SEZ6L: variants seen among roughly 807,000 people sequenced by gnomAD.
SEZ6L encodes seizure 6-like protein.
In SEZ6L, 37 loss-of-function variants were observed where a neutral mutation model predicts 106.2. The observed-to-expected ratio is 0.35, with a 90% confidence interval of 0.27 to 0.46. The LOEUF is 0.46. SEZ6L is among the 20% of genes least tolerant of loss of function. SEZ6L has a pLI of 1.00. For synonymous variants in SEZ6L, 541 were observed against 570.4 expected (o/e 0.95, Z 0.73); for missense variants, 1,172 against 1,332.8 (o/e 0.88, Z 1.88).
chr22:26,366,226 C>T (rs755691971), intron 13 of SEZ6L, among the ~76,000 whole-genome samples: 53 of 151,956 alleles, frequency 3.5e-4, no homozygotes, highest in Non-Finnish European at 7.4e-4. Context: ...CCCAGCTACT[C>T]GGGAGGCTGA....
chr22:26,181,755 A>G (rs1939411577), intron 1 of SEZ6L, among the ~76,000 whole-genome samples: 1 of 152,210 alleles, frequency 6.6e-6, no homozygotes, highest in Non-Finnish European at 1.5e-5. Context: ...GGTACGTAGC[A>G]GAAGTTCAAT....
intron 1 of SEZ6L, among the ~76,000 whole-genome samples, chr22:26,256,946 G>C (rs2079841793): frequency 6.6e-6 from 1 of 152,194 alleles, no homozygotes; most frequent in Non-Finnish European, 1.5e-5. Flanking sequence ...GCAGGACCAA[G>C]TGTAGACTCC....
At chr22:26,191,489 A>G (rs754961954) in intron 1 of SEZ6L, among the ~76,000 whole-genome samples, 14 of 152,094 alleles carry the variant, frequency 9.2e-5, no homozygotes, top group Admixed American at 2.0e-4. Context: ...GCAGAAACAG[A>G]AAACCAAATA....
chr22:26,184,703 A>T (rs1939656841), intron 1 of SEZ6L, among the ~76,000 whole-genome samples: 1 of 152,202 alleles, frequency 6.6e-6, no homozygotes, highest in Non-Finnish European at 1.5e-5. Flanking sequence ...ACCCCAAAGC[A>T]TGCGGATCAT....
chr22:26,361,883 G>T (rs1167070523), intron 12 of SEZ6L, among the ~76,000 whole-genome samples: 1 of 152,140 alleles, frequency 6.6e-6, no homozygotes, highest in African/African-American at 2.4e-5. Flanking sequence ...AGGTTGCCAA[G>T]GATGCAGCAG....
chr22:26,308,594 G>A (rs1418519566), intron 6 of SEZ6L, among the ~76,000 whole-genome samples: 1 of 152,068 alleles, frequency 6.6e-6, no homozygotes, highest in African/African-American at 2.4e-5. Context: ...GGGAGACACT[G>A]CGCCCACCCT....
At chr22:26,218,999 C>T (rs1225611792) in intron 1 of SEZ6L, among the ~76,000 whole-genome samples, 1 of 152,104 alleles carries the variant, frequency 6.6e-6, no homozygotes, top group Non-Finnish European at 1.5e-5. Context: ...AGCAAAGCAC[C>T]TGGTCCCCCT....
chr22:26,282,398 C>T (rs968094057), intron 1 of SEZ6L, among the ~76,000 whole-genome samples: 1 of 152,174 alleles, frequency 6.6e-6, no homozygotes, highest in African/African-American at 2.4e-5. Context: ...GACCAGGCAG[C>T]CTGTTTACCT....
intron 9 of SEZ6L, among the ~76,000 whole-genome samples, chr22:26,337,573 A>G: frequency 6.6e-6 from 1 of 152,180 alleles, no homozygotes; most frequent in Non-Finnish European, 1.5e-5. Context: ...GCTGTCAAGT[A>G]GACTCTCTGG....
chr22:26,363,945 G>A (rs1039012175), intron 12 of SEZ6L, among the ~76,000 whole-genome samples: 4 of 152,180 alleles, frequency 2.6e-5, no homozygotes, highest in African/African-American at 7.2e-5. Flanking sequence ...ACTTACATGC[G>A]ATAACTAGAG....
intron 1 of SEZ6L, among the ~76,000 whole-genome samples, chr22:26,285,565 G>C (rs941050052): frequency 6.6e-6 from 1 of 152,180 alleles, no homozygotes; most frequent in African/African-American, 2.4e-5. Context: ...AATCATTTTT[G>C]GTTGTCACAA....
At chr22:26,316,414 A>G (rs977161881) in intron 9 of SEZ6L, among the ~76,000 whole-genome samples, 3 of 152,210 alleles carry the variant, frequency 2.0e-5, no homozygotes, top group Non-Finnish European at 2.9e-5. Context: ...AAGAAAGTAA[A>G]TGCAGTGTGA....
intron 1 of SEZ6L, among the ~76,000 whole-genome samples, chr22:26,249,826 C>T (rs1419929571): frequency 3.3e-5 from 5 of 152,068 alleles, no homozygotes; most frequent in African/African-American, 4.8e-5. Context: ...TATGCATCCT[C>T]GCCAGCATGT....
At chr22:26,180,982 C>CT (rs1223661634) in intron 1 of SEZ6L, among the ~76,000 whole-genome samples, 1 of 152,220 alleles carries the variant, frequency 6.6e-6, no homozygotes, top group Non-Finnish European at 1.5e-5. Flanking sequence ...TGTGGATCCC[C>CT]ACTCTGCCAA....
chr22:26,312,078 T>C lies in SEZ6L; in HGVS notation c.1876+116T>C, dbSNP rs1424435519. Reference sequence around the variant, plus strand: ...CCCAGTTTTCATACCAACTTTAGGATTAGAACCCTTTCCAGGGTTCACTGT... The same window carrying C: ...CCCAGTTTTCATACCAACTTTAGGACTAGAACCCTTTCCAGGGTTCACTGT... On this transcript the variant is annotated intron_variant, in intron 8 of 16. Coordinates refer to ENST00000248933, the MANE Select transcript of SEZ6L (RefSeq NM_021115.5). 2.9e-6 allele frequency: 3 copies of C among 1,018,210 alleles called. No homozygotes were observed. In the East Asian group the frequency reaches 7.4e-5, roughly 25 times the overall value. 63.1% of individuals were successfully genotyped at this position (1,018,210 alleles called of 1,614,324 possible). A position where few individuals can be genotyped will look rare whatever the true frequency, so the allele number is the denominator to read the frequency against.
chr22:26,229,015 T>C (rs1569400096), intron 1 of SEZ6L, among the ~76,000 whole-genome samples: 1 of 152,252 alleles, frequency 6.6e-6, no homozygotes, highest in Non-Finnish European at 1.5e-5. Flanking sequence ...TTGTGTTTTT[T>C]TGAGACAGAG....
intron 1 of SEZ6L, among the ~76,000 whole-genome samples, chr22:26,227,619 A>G (rs1305271264): frequency 1.5e-5 from 2 of 135,248 alleles, no homozygotes; most frequent in Admixed American, 7.9e-5. Context: ...GGTTCTTGCT[A>G]TGTTTCCCAG....
At position 26,373,440 on chromosome 22, in the gene SEZ6L, T is replaced by G. The variant is rs1168767295; in HGVS notation, c.2795-11T>G. 1 of 1,600,838 alleles carries G rather than the reference T, an allele frequency of 6.2e-7. No individual in the cohort carries two copies. Among genetic ancestry groups the G allele is most frequent in the Admixed American group, 1.8e-5 (1 of 56,560 alleles). The stretch of plus-strand genomic sequence containing the variant: ...TTTACATTGACCAATGCTTCCTGAT[T>G]TCTCTTTCAGTTAATCAAGACAGTT... On this transcript the variant is annotated splice_polypyrimidine_tract_variant and intron_variant, in intron 13 of 16. Transcript: ENST00000248933.
intron 1 of SEZ6L, among the ~76,000 whole-genome samples, chr22:26,217,920 T>G (rs2078344896): frequency 6.6e-6 from 1 of 152,252 alleles, no homozygotes; most frequent in African/African-American, 2.4e-5. Context: ...CTGAGGCTGA[T>G]GTCGACAAGA....
Sources: gnomAD v4.1 joint callset for allele counts (sites outside exome capture counted in the v4.1 genomes callset) on GRCh38, gnomAD v4.1.1 for gene constraint, MANE v1.5 for transcripts, NCBI Gene and HGNC (gene_info 2026-07-23, HGNC 2026-07-21) for gene names.